CAGE1: variants seen among roughly 807,000 people sequenced by gnomAD.
The protein encoded by CAGE1 is cancer-associated gene 1 protein.
CAGE1 carries 66 observed loss-of-function variants against 94.9 expected under a neutral mutation model. That is an observed-to-expected ratio of 0.70 (90% confidence interval 0.57 to 0.85). The LOEUF is 0.85. Ranked by LOEUF, CAGE1 falls within the 40% of genes least tolerant of loss-of-function variation. The pLI, the probability that CAGE1 is intolerant of heterozygous loss-of-function variation, is 0.00. For missense variants in CAGE1, 865 were observed against 950.4 expected, an observed-to-expected ratio of 0.91 and a Z score of 1.18; for synonymous variants, 319 against 321.0, an observed-to-expected ratio of 0.99 and a Z score of 0.07.
At chr6:7,376,528 C>T (rs7771036) in intron 4 of CAGE1, among the ~76,000 whole-genome samples, 53,984 of 151,912 alleles carry the variant, frequency 0.36, 9,787 homozygotes, top group East Asian at 0.44. Context: ...CAGAGACCCT[C>T]GAGTGATGCT....
Position 7,355,039 on chromosome 6 carries a change from A to G in CAGE1, c.2369+2T>C. The stretch of plus-strand genomic sequence containing the variant: ...AATTAAGGATTCGTTTTTTCAACTT[A>G]CTGTGCAATCTGGGAGTGGGATATT... On this transcript the variant is annotated splice_donor_variant, in intron 11 of 13. Transcript: ENST00000502583. LOFTEE classifies it high-confidence loss of function. 3 of 1,600,782 alleles carry G rather than the reference A, an allele frequency of 1.9e-6. No homozygotes were observed. The highest frequency in any genetic ancestry group is 2.6e-6 in the Non-Finnish European group (3 of 1,170,828).
At chr6:7,342,389 C>T (rs1759216227) in intron 11 of CAGE1, among the ~76,000 whole-genome samples, 1 of 152,232 alleles carries the variant, frequency 6.6e-6, no homozygotes, top group Admixed American at 6.5e-5. Context: ...GAAGTACTCC[C>T]TCATGGTCTA....
chr6:7,354,280 G>A (rs1316887846), intron 11 of CAGE1, among the ~76,000 whole-genome samples: 1 of 152,078 alleles, frequency 6.6e-6, no homozygotes. Context: ...CATTTCCTGA[G>A]TATACAACAT....
At chr6:7,366,449 T>C (rs1760338299) in intron 7 of CAGE1, among the ~76,000 whole-genome samples, 1 of 152,146 alleles carries the variant, frequency 6.6e-6, no homozygotes, top group Non-Finnish European at 1.5e-5. Flanking sequence ...CATTCTCTGA[T>C]GTAAATGGCT....
At chr6:7,367,261 A>G (rs1399355816) in intron 7 of CAGE1, among the ~76,000 whole-genome samples, 3 of 130,218 alleles carry the variant, frequency 2.3e-5, no homozygotes, top group Non-Finnish European at 4.8e-5. Flanking sequence ...TAAATATCTG[A>G]AAGAAATATT....
At chr6:7,344,410 C>T (rs893550375) in intron 11 of CAGE1, among the ~76,000 whole-genome samples, 3 of 152,248 alleles carry the variant, frequency 2.0e-5, no homozygotes, top group African/African-American at 7.2e-5. Flanking sequence ...GCCAGCCCAC[C>T]GGCGCTGTGC....
In CAGE1 at chr6:7,339,286, C is replaced by T. The variant is rs546415221; in HGVS notation, c.2370-5196G>A. The T allele has an allele frequency of 6.4e-5, 102 of 1,582,590 alleles. No homozygotes were observed. In the African/African-American group the frequency reaches 1.1e-3, roughly 18 times the overall value. ...TCTGCCTGGGCAATGGCACACAGACCCCTAGTGGCCACCTCTTCAGCATAA... is the reference window on the plus strand; with the variant it reads ...TCTGCCTGGGCAATGGCACACAGACTCCTAGTGGCCACCTCTTCAGCATAA... On this transcript the variant is annotated intron_variant, in intron 11 of 13. Transcript: ENST00000502583. The surrounding 1 kb of genome is among the most constrained non-coding windows in gnomAD (Gnocchi z 4.7).
chr6:7,345,931 AG>A (rs1338876159), intron 11 of CAGE1, among the ~76,000 whole-genome samples: 1 of 152,146 alleles, frequency 6.6e-6, no homozygotes, highest in Non-Finnish European at 1.5e-5. Flanking sequence ...TCTCAAAAAA[AG>A]AAAAATTACA....
At chr6:7,386,898 G>A in intron 2 of CAGE1, 81 bp downstream of exon 2, 2 of 970,378 alleles carry the variant, frequency 2.1e-6, no homozygotes, top group Non-Finnish European at 3.1e-6. Context: ...GTTCCTTATA[G>A]TTTTGAAGAA....
intron 12 of CAGE1, among the ~76,000 whole-genome samples, chr6:7,333,642 CTATATATATATATATA>C (rs773887819): frequency 3.5e-4 from 43 of 121,518 alleles, no homozygotes; most frequent in African/African-American, 1.3e-3. Flanking sequence ...ATCTAACTAT[CTATATATATATATATA>C]TATATATATA....
At chr6:7,370,563 T>C (rs966932634) in intron 5 of CAGE1, among the ~76,000 whole-genome samples, 1 of 152,212 alleles carries the variant, frequency 6.6e-6, no homozygotes, top group African/African-American at 2.4e-5. Context: ...TCCCAAGTGC[T>C]GGGATTGCAA....
intron 4 of CAGE1, among the ~76,000 whole-genome samples, chr6:7,378,314 A>G (rs1561866636): frequency 6.6e-6 from 1 of 152,232 alleles, no homozygotes. Flanking sequence ...TGGTAGAGCT[A>G]ATCCTCAAGT....
At position 7,339,375 on chromosome 6, in the gene CAGE1, C is replaced by T. The variant is rs540757213; in HGVS notation, c.2370-5285G>A. 21 of 1,608,140 alleles carry T rather than the reference C, an allele frequency of 1.3e-5. 1 individual carries two copies. The South Asian group carries it at 1.3e-4, about 10-fold the overall frequency. On this transcript the variant is annotated intron_variant, in intron 11 of 13. Transcript: ENST00000502583. This position sits in a 1 kb window ranked among gnomAD's most constrained non-coding sequence, Gnocchi z 4.7. ...AACTACAGCAGTCAGTTCCCGAATCCGCCGGCCCTTCTCACCAAGAACATT... is the reference window on the plus strand; with the variant it reads ...AACTACAGCAGTCAGTTCCCGAATCTGCCGGCCCTTCTCACCAAGAACATT...
chr6:7,387,288 C>T (rs1761153995), intron 1 of CAGE1, 92 bp from the exon 2 acceptor site: 1 of 663,666 alleles, frequency 1.5e-6, no homozygotes, highest in Admixed American at 2.9e-5. Flanking sequence ...AGTTCACTGC[C>T]CTTATTTGAA....
At chr6:7,355,954 T>G (rs1759939075) in intron 10 of CAGE1, 71 bp downstream of exon 10, 1 of 831,248 alleles carries the variant, frequency 1.2e-6, no homozygotes, top group Non-Finnish European at 2.0e-6. Flanking sequence ...TAGTTAGCAC[T>G]GCACTGTACT....
At chr6:7,366,088 A>G (rs895189381) in intron 7 of CAGE1, among the ~76,000 whole-genome samples, 4 of 152,046 alleles carry the variant, frequency 2.6e-5, no homozygotes, top group Non-Finnish European at 4.4e-5. Flanking sequence ...TCTCCTAAAA[A>G]TACCAAAATT....
At position 7,373,149 on chromosome 6, in the gene CAGE1, T is replaced by C. The variant is rs1760607081; in HGVS notation, c.1670A>G (p.Gln557Arg). 6.2e-7 allele frequency: 1 copy of C among 1,613,560 alleles called. No individual in the cohort carries two copies. The highest frequency in any genetic ancestry group is 8.5e-7 in the Non-Finnish European group (1 of 1,179,824). Residue 557 changes from glutamine to arginine, a missense_variant, in exon 5 of 14, where the codon CAA (glutamine) becomes CGA (arginine). By Grantham distance (43) the Gln-to-Arg change is conservative. Transcript: ENST00000502583. ...TGTCTCAAATTTAGGGACATAATTT[T>C]GCTCTTCACTCCTTGCAACCTGCTG... ...LKQQVARSEE[Q>R]NYVPKFETAQ...
chr6:7,339,228 G>GCAGGCCCTCCGCACAT lies in CAGE1; in HGVS notation c.2370-5139_2370-5138insATGTGCGGAGGGCCTG. On this transcript the variant is annotated intron_variant, in intron 11 of 13. Coordinates refer to ENST00000502583, the MANE Select transcript of CAGE1 (RefSeq NM_001170692.2). This position sits in a 1 kb window ranked among gnomAD's most constrained non-coding sequence, Gnocchi z 4.7. ...CACACCATAGCAGGCCCTCCGCACA[G>GCAGGCCCTCCGCACAT]CAAGCCCTCCTAGGAGTTTGTAAGG... 2 of 1,575,944 alleles carry GCAGGCCCTCCGCACAT rather than the reference G, an allele frequency of 1.3e-6. No individual in the cohort carries two copies. The highest frequency in any genetic ancestry group is 1.7e-6 in the Non-Finnish European group (2 of 1,146,858).
intron 13 of CAGE1, among the ~76,000 whole-genome samples, chr6:7,327,759 C>T (rs949659499): frequency 6.6e-6 from 1 of 151,822 alleles, no homozygotes; most frequent in Non-Finnish European, 1.5e-5. Flanking sequence ...GGAGAAACCC[C>T]GTCTCTACTA....
Sources: allele counts gnomAD v4.1 joint callset (sites outside exome capture counted in the v4.1 genomes callset), GRCh38; gene constraint gnomAD v4.1.1; non-coding constraint Gnocchi (gnomAD v3.1); transcripts MANE v1.5; gene names NCBI Gene and HGNC (gene_info 2026-07-23, HGNC 2026-07-21).